ERBB4: variants seen among roughly 807,000 people sequenced by gnomAD.
ERBB4 encodes receptor tyrosine-protein kinase erbB-4.
In ERBB4, 42 loss-of-function variants were observed where a neutral mutation model predicts 158.0. The ratio of observed to expected loss-of-function variants is 0.27; its 90% confidence interval spans 0.21 to 0.34. The LOEUF is 0.34. Among genes scored for constraint, ERBB4 ranks in the 10% least tolerant of loss-of-function variants. The pLI, the probability that ERBB4 is intolerant of heterozygous loss-of-function variation, is 1.00. For synonymous variants in ERBB4, 583 were observed against 558.7 expected (o/e 1.04, Z -0.61); for missense variants, 1,333 against 1,624.1 (o/e 0.82, Z 3.08).
chr2:212,508,883 C>T (rs968825654), intron 1 of ERBB4, among the ~76,000 whole-genome samples: 2 of 152,060 alleles, frequency 1.3e-5, no homozygotes, highest in Non-Finnish European at 2.9e-5. Flanking sequence ...ATTTCTTTGT[C>T]ATTGTCATCT....
chr2:212,158,602 A>G (rs897991126), intron 1 of ERBB4, among the ~76,000 whole-genome samples: 2 of 152,002 alleles, frequency 1.3e-5, no homozygotes, highest in Admixed American at 6.6e-5. Context: ...CCAAATTATT[A>G]ATGACTTTAT....
intron 3 of ERBB4, among the ~76,000 whole-genome samples, chr2:211,801,539 T>C (rs2076498459): frequency 1.3e-5 from 2 of 152,106 alleles, no homozygotes; most frequent in South Asian, 4.1e-4. Context: ...ATTTCATAAA[T>C]GTGCTGAGTT....
At chr2:211,539,067 T>C (rs1237780617) in intron 20 of ERBB4, among the ~76,000 whole-genome samples, 1 of 151,966 alleles carries the variant, frequency 6.6e-6, no homozygotes, top group East Asian at 1.9e-4. Flanking sequence ...AAGTTATTAA[T>C]TCTTCCTGGC....
chr2:212,477,615 G>C (rs1449937013), intron 1 of ERBB4, among the ~76,000 whole-genome samples: 1 of 152,100 alleles, frequency 6.6e-6, no homozygotes, highest in African/African-American at 2.4e-5. Flanking sequence ...GTTTTTAAAA[G>C]CAATGTTCCC....
chr2:211,648,792 G>T (rs2070874477), intron 16 of ERBB4, among the ~76,000 whole-genome samples: 2 of 151,686 alleles, frequency 1.3e-5, no homozygotes, highest in South Asian at 4.1e-4. Flanking sequence ...CAAGGAAGTG[G>T]CTGCCAAAGT....
chr2:211,631,871 G>T (rs2070146322), intron 16 of ERBB4, among the ~76,000 whole-genome samples: 1 of 151,848 alleles, frequency 6.6e-6, no homozygotes, highest in South Asian at 2.1e-4. Flanking sequence ...ATTTTTAAAA[G>T]AACTTATACT....
chr2:212,027,818 G>A (rs78307325), intron 2 of ERBB4, among the ~76,000 whole-genome samples: 9,516 of 151,982 alleles, frequency 0.063, 316 homozygotes, highest in South Asian at 0.11. Context: ...TTGCAGCTTA[G>A]TCTTTATTTT....
intron 1 of ERBB4, among the ~76,000 whole-genome samples, chr2:212,234,412 T>G (rs887269329): frequency 6.6e-6 from 1 of 152,200 alleles, no homozygotes; most frequent in Non-Finnish European, 1.5e-5. Flanking sequence ...TTTCATGTCT[T>G]TGCTATTGTG....
chr2:212,447,443 C>T (rs1345731021), intron 1 of ERBB4, among the ~76,000 whole-genome samples: 1 of 152,022 alleles, frequency 6.6e-6, no homozygotes, highest in African/African-American at 2.4e-5. Flanking sequence ...TACTTTTTCC[C>T]AGAAAACAAA....
At chr2:211,684,178 A>G (rs1166974596) in intron 12 of ERBB4, among the ~76,000 whole-genome samples, 3 of 152,188 alleles carry the variant, frequency 2.0e-5, no homozygotes, top group Admixed American at 1.3e-4. Flanking sequence ...GTGGCCGGAC[A>G]CGGTGGCTCA....
intron 20 of ERBB4, among the ~76,000 whole-genome samples, chr2:211,472,176 C>T (rs1331877060): frequency 6.6e-6 from 1 of 151,724 alleles, no homozygotes; most frequent in African/African-American, 2.4e-5. Flanking sequence ...ACAGGCAAGA[C>T]GTGGTTCTGT....
chr2:211,901,459 G>A (rs1389231174), intron 3 of ERBB4, among the ~76,000 whole-genome samples: 1 of 152,104 alleles, frequency 6.6e-6, no homozygotes, highest in Admixed American at 6.6e-5. Flanking sequence ...AGAGCCCACG[G>A]AGATAACCTG....
chr2:211,561,661 A>G, intron 20 of ERBB4: 1 of 500,664 alleles, frequency 2.0e-6, no homozygotes, highest in East Asian at 3.7e-5. Context: ...CTACCAAGCT[A>G]TTTGTTTTGG....
intron 1 of ERBB4, among the ~76,000 whole-genome samples, chr2:212,431,306 T>TAAA (rs35419362): frequency 0.017 from 1,507 of 86,752 alleles, 53 homozygotes; most frequent in Non-Finnish European, 0.025. Flanking sequence ...CTGCTCATAT[T>TAAA]AAAAAAAAAA....
intron 1 of ERBB4, among the ~76,000 whole-genome samples, chr2:212,132,639 C>T (rs1217135394): frequency 1.3e-5 from 2 of 151,948 alleles, no homozygotes; most frequent in Non-Finnish European, 2.9e-5. Context: ...ATACCATTGC[C>T]ACTCTAACTC....
intron 1 of ERBB4, among the ~76,000 whole-genome samples, chr2:212,127,377 G>A (rs1314905808): frequency 1.3e-5 from 2 of 152,180 alleles, no homozygotes; most frequent in East Asian, 1.9e-4. Flanking sequence ...CGGATCACGA[G>A]GTCAGGAGAT....
In ERBB4 at chr2:211,722,453, G is replaced by A. The variant is rs1233353155; in HGVS notation, c.823C>T (p.Leu275=). 3 of 1,613,702 alleles carry A rather than the reference G, an allele frequency of 1.9e-6. No individual in the cohort carries two copies. Among genetic ancestry groups the A allele is most frequent in the Non-Finnish European group, 2.5e-6 (3 of 1,179,626 alleles). The change falls in exon 7 of 28, where the codon CTG becomes TTG. Residue 275 remains leucine, a synonymous_variant. Transcript: ENST00000342788. The stretch of plus-strand genomic sequence containing the variant: ...TACTTTGCATTGAAATTGTGCTCCA[G>A]TTGAAAGGTGGTTGGATTGTAGACA... ...TFVYNPTTFQ[L]EHNFNAKYTY...
intron 15 of ERBB4, 133 bp from the exon 16 acceptor site, chr2:211,657,961 G>A: frequency 1.9e-6 from 3 of 1,605,850 alleles, no homozygotes; most frequent in Middle Eastern, 1.7e-4. Context: ...TATCCATCAG[G>A]CCGATGCAGT....
At chr2:212,036,398 T>C (rs1481792446) in intron 2 of ERBB4, among the ~76,000 whole-genome samples, 1 of 152,086 alleles carries the variant, frequency 6.6e-6, no homozygotes, top group Non-Finnish European at 1.5e-5. Flanking sequence ...AAAGCATGCA[T>C]TGGTGACGCT....
Sources: gnomAD v4.1 joint callset for allele counts (sites outside exome capture counted in the v4.1 genomes callset) on GRCh38, gnomAD v4.1.1 for gene constraint, MANE v1.5 for transcripts, NCBI Gene and HGNC (gene_info 2026-07-23, HGNC 2026-07-21) for gene names.